Variants in CACNB2 observed in about 807,000 individuals in gnomAD.
CACNB2 encodes the protein calcium voltage-gated channel auxiliary subunit beta 2.
Under a neutral mutation model 73.3 loss-of-function variants are expected in CACNB2, and 42 were observed. The observed-to-expected ratio is 0.57, with a 90% CI of 0.45 to 0.74. CACNB2 has a LOEUF of 0.74. Among genes scored for constraint, CACNB2 ranks in the 30% least tolerant of loss-of-function variants. CACNB2 has a pLI of 0.00. For synonymous variants in CACNB2, 348 were observed against 310.3 expected (o/e 1.12, Z -1.28); for missense variants, 940 against 853.0 (o/e 1.10, Z -1.27).
chr10:18,265,621 G>C (rs1456731313), intron 2 of CACNB2, among the ~76,000 whole-genome samples: 1 of 152,142 alleles, frequency 6.6e-6, no homozygotes, highest in Non-Finnish European at 1.5e-5. Context: ...ATCAGACTTA[G>C]CCTGGGTTTG....
intron 4 of CACNB2, 43 bp downstream of exon 4, chr10:18,498,520 C>T: frequency 6.3e-7 from 1 of 1,598,554 alleles, no homozygotes; most frequent in Non-Finnish European, 8.6e-7. Flanking sequence ...GATGTTTCAC[C>T]TTGACATACC....
In CACNB2 at chr10:18,234,524, C is replaced by T. The variant is rs561847416; in HGVS notation, c.213+83549C>T. Among the ~76,000 whole-genome samples the T allele has an allele frequency of 7.2e-5, 11 of 152,218 alleles. No homozygotes were observed. The East Asian group carries it at 9.7e-4, about 13-fold the overall frequency. The stretch of plus-strand genomic sequence containing the variant: ...ATCAGCAAATGAAAGATGAGCAAAT[C>T]GTGGTCTGTACATACATGGAATAAT... On this transcript the variant is annotated intron_variant, in intron 2 of 13. Coordinates refer to ENST00000324631, the MANE Select transcript of CACNB2 (RefSeq NM_201596.3).
chr10:18,248,076 T>C (rs1297377457), intron 2 of CACNB2, among the ~76,000 whole-genome samples: 1 of 152,200 alleles, frequency 6.6e-6, no homozygotes, highest in Non-Finnish European at 1.5e-5. Flanking sequence ...TTGCAACATA[T>C]GAATTTTGAG....
chr10:18,448,734 G>C (rs1179394522), intron 3 of CACNB2, among the ~76,000 whole-genome samples: 1 of 152,186 alleles, frequency 6.6e-6, no homozygotes, highest in East Asian at 1.9e-4. Flanking sequence ...TAGAATCTAG[G>C]TTGCAGGTCA....
At chr10:18,413,098 G>A (rs934427479) in intron 3 of CACNB2, among the ~76,000 whole-genome samples, 1 of 152,190 alleles carries the variant, frequency 6.6e-6, no homozygotes, top group Non-Finnish European at 1.5e-5. Context: ...AGCCTTCCAA[G>A]TAGCTGGGAT....
At chr10:18,427,129 A>G (rs2045647419) in intron 3 of CACNB2, among the ~76,000 whole-genome samples, 1 of 151,784 alleles carries the variant, frequency 6.6e-6, no homozygotes, top group African/African-American at 2.4e-5. Flanking sequence ...CTAATTTTGT[A>G]TTTTTAGTAG....
Position 18,232,662 on chromosome 10 carries a change from C to T in CACNB2, c.213+81687C>T, listed in dbSNP as rs150681224. On this transcript the variant is annotated intron_variant, in intron 2 of 13. Coordinates refer to ENST00000324631, the MANE Select transcript of CACNB2 (RefSeq NM_201596.3). ...GCTGAGCCACGTTATGTCAGCTGTG[C>T]GTAAAATTTGCTATCATAAAAGATA... is the stretch of plus-strand genomic sequence containing the variant. Among the ~76,000 whole-genome samples, 827 of 152,168 alleles carry T rather than the reference C, an allele frequency of 5.4e-3. 3 individuals carry two copies. The highest frequency in any genetic ancestry group is 9.8e-3 in the Non-Finnish European group (664 of 68,012).
intron 2 of CACNB2, among the ~76,000 whole-genome samples, chr10:18,344,218 A>C (rs2041353954): frequency 6.6e-6 from 1 of 152,160 alleles, no homozygotes; most frequent in African/African-American, 2.4e-5. Flanking sequence ...CCTGGTGGCT[A>C]ATGTATGTAC....
At chr10:18,246,980 C>T (rs749706717) in intron 2 of CACNB2, among the ~76,000 whole-genome samples, 1 of 152,156 alleles carries the variant, frequency 6.6e-6, no homozygotes, top group Non-Finnish European at 1.5e-5. Flanking sequence ...TTGCATACCC[C>T]GTGAAACCTC....
chr10:18,247,157 C>A (rs1333372158), intron 2 of CACNB2, among the ~76,000 whole-genome samples: 1 of 152,146 alleles, frequency 6.6e-6, no homozygotes, highest in Non-Finnish European at 1.5e-5. Flanking sequence ...ATTCCCTGGC[C>A]CTTCTCCCCT....
At chr10:18,485,302 A>G (rs1208060117) in intron 3 of CACNB2, among the ~76,000 whole-genome samples, 1 of 152,206 alleles carries the variant, frequency 6.6e-6, no homozygotes, top group Admixed American at 6.5e-5. Flanking sequence ...GACAAGGATA[A>G]CTAGAAAGTA....
chr10:18,186,463 C>T (rs1198803417), intron 2 of CACNB2, among the ~76,000 whole-genome samples: 1 of 151,796 alleles, frequency 6.6e-6, no homozygotes, highest in Non-Finnish European at 1.5e-5. Flanking sequence ...TGGGTAATTT[C>T]TAAAGAAAAG....
At position 18,527,832 on chromosome 10, in the gene CACNB2, C is replaced by G. The variant is rs184516670; in HGVS notation, c.1054+135C>G. On this transcript the variant is annotated intron_variant, in intron 10 of 13. Coordinates refer to ENST00000324631, the MANE Select transcript of CACNB2 (RefSeq NM_201596.3). ...AGGTGTGTGCTGCCAGTCGCTGTTG[C>G]TATGGTCTTACTGATTTCATGGTGT... 6 of 699,724 alleles carry G rather than the reference C, an allele frequency of 8.6e-6. No homozygotes were observed. The East Asian group carries it at 1.6e-4, about 19-fold the overall frequency. The allele number at this position is 699,724 out of a possible 1,614,324, so 43.3% of individuals were successfully genotyped here.
At chr10:18,220,233 A>AGGGTGGGG (rs1564353966) in intron 2 of CACNB2, among the ~76,000 whole-genome samples, 1 of 27,096 alleles carries the variant, frequency 3.7e-5, no homozygotes, top group Admixed American at 3.5e-4. Context: ...ATATATATAT[A>AGGGTGGGG]GAGAGAGAGA....
rs753335762 is a variant in CACNB2 at position 18,539,740 on chromosome 10, G to GCTTTTTTTTTTTT, written c.*16_*17insCTTTTTTTTTTTT. 2.8e-6 allele frequency: 4 copies of GCTTTTTTTTTTTT among 1,449,386 alleles called. 1 individual carries two copies. Among genetic ancestry groups the GCTTTTTTTTTTTT allele is most frequent in the Non-Finnish European group, 9.3e-7 (1 of 1,077,932 alleles). 89.8% of individuals were successfully genotyped at this position (1,449,386 alleles called of 1,614,324 possible). Reference sequence around the variant, plus strand: ...CCGCCAATGAGTTTTGCCCGTTTGTGTTTTTTTTTTTTTTTTTTTGAAGTC... The same window carrying GCTTTTTTTTTTTT: ...CCGCCAATGAGTTTTGCCCGTTTGTGCTTTTTTTTTTTTTTTTTTTTTTTTTTTTTTTGAAGTC... On this transcript the variant is annotated 3_prime_UTR_variant, in exon 14 of 14. Transcript: ENST00000324631.
At chr10:18,491,785 C>G (rs1044181680) in intron 3 of CACNB2, among the ~76,000 whole-genome samples, 1 of 121,686 alleles carries the variant, frequency 8.2e-6, no homozygotes, top group Non-Finnish European at 1.6e-5. Flanking sequence ...TCAATGATTC[C>G]GTAAGGGATA....
intron 2 of CACNB2, among the ~76,000 whole-genome samples, chr10:18,190,151 T>A (rs1010739871): frequency 8.5e-5 from 13 of 152,132 alleles, no homozygotes; most frequent in Admixed American, 7.9e-4. Context: ...TTAGCTCATG[T>A]CCGCATCCTC....
intron 2 of CACNB2, among the ~76,000 whole-genome samples, chr10:18,272,751 C>T (rs1454466806): frequency 2.6e-5 from 4 of 152,198 alleles, no homozygotes; most frequent in Non-Finnish European, 2.9e-5. Context: ...TGCCTTCGGC[C>T]GTTGATTGTG....
chr10:18,412,180 T>C (rs914818905), intron 3 of CACNB2, among the ~76,000 whole-genome samples: 2 of 152,140 alleles, frequency 1.3e-5, no homozygotes, highest in African/African-American at 4.8e-5. Context: ...GGGGTGATAA[T>C]CATATCTCTA....
Sources: gnomAD v4.1 joint callset for allele counts (sites outside exome capture counted in the v4.1 genomes callset) on GRCh38, gnomAD v4.1.1 for gene constraint, MANE v1.5 for transcripts, NCBI Gene and HGNC (gene_info 2026-07-23, HGNC 2026-07-21) for gene names.